Variants in KCNH8 observed in about 807,000 individuals in gnomAD.
KCNH8 encodes voltage-gated delayed rectifier potassium channel KCNH8.
In KCNH8, 70 loss-of-function variants were observed where a neutral mutation model predicts 103.6. That is an observed-to-expected ratio of 0.68 (90% CI 0.56 to 0.82). The LOEUF (loss-of-function observed/expected upper bound fraction) is 0.82. KCNH8 is among the 40% of genes least tolerant of loss of function. The probability of loss-of-function intolerance (pLI) is 0.00; values close to 1 mark genes in which losing one functional copy is unlikely to be tolerated. For missense variants in KCNH8, 1,217 were observed against 1,329.9 expected, an observed-to-expected ratio of 0.92 and a Z score of 1.32; for synonymous variants, 498 against 489.4, an observed-to-expected ratio of 1.02 and a Z score of -0.23.
intron 1 of KCNH8, among the ~76,000 whole-genome samples, chr3:19,195,169 G>T (rs2063588612): frequency 6.6e-6 from 1 of 151,758 alleles, no homozygotes; most frequent in African/African-American, 2.4e-5. Context: ...GGCTTGCCAG[G>T]AGTCTCATAA....
Position 19,518,001 on chromosome 3 carries a change from C to G in KCNH8, c.2546C>G (p.Pro849Arg), listed in dbSNP as rs2068904201. 1 of 1,611,680 alleles carries G rather than the reference C, an allele frequency of 6.2e-7. No homozygotes were observed. Among genetic ancestry groups the G allele is most frequent in the Admixed American group, 1.7e-5 (1 of 59,790 alleles). ...EPRISPPLGDPEIGAAVLFIK... is the reference protein window; with the variant it reads ...EPRISPPLGDREIGAAVLFIK... The stretch of plus-strand genomic sequence containing the variant: ...CTGTATGTGTGTCACTTTTCAGATC[C>G]AGAGATTGGAGCTGCTGTTCTCTTC... The change falls in exon 15 of 16, where the codon CCA becomes CGA. Residue 849 changes from proline to arginine, a missense_variant. By Grantham distance (103) the Pro-to-Arg change is moderately radical. Transcript: ENST00000328405.
intron 1 of KCNH8, among the ~76,000 whole-genome samples, chr3:19,151,150 A>G (rs777577562): frequency 1.9e-4 from 29 of 151,868 alleles, no homozygotes; most frequent in Non-Finnish European, 4.0e-4. Flanking sequence ...TATTTACTTT[A>G]TCTTCTTATG....
chr3:19,373,596 G>T (rs1209296593), intron 5 of KCNH8, among the ~76,000 whole-genome samples: 1 of 151,790 alleles, frequency 6.6e-6, no homozygotes, highest in African/African-American at 2.4e-5. Flanking sequence ...GGTTTTTTGT[G>T]TCTCTATTTC....
intron 7 of KCNH8, among the ~76,000 whole-genome samples, chr3:19,406,225 A>G (rs777959977): frequency 2.4e-4 from 36 of 152,086 alleles, no homozygotes; most frequent in Non-Finnish European, 1.8e-4. Flanking sequence ...CCATTAAAGT[A>G]TAATTGTATT....
chr3:19,290,626 A>T (rs1281847318), intron 3 of KCNH8, among the ~76,000 whole-genome samples: 2 of 152,080 alleles, frequency 1.3e-5, no homozygotes, highest in African/African-American at 4.8e-5. Flanking sequence ...AACGTTTTTG[A>T]TGTGCTGCTG....
chr3:19,385,253 A>G lies in KCNH8; in HGVS notation c.812-5228A>G, dbSNP rs141462368. Among the ~76,000 whole-genome samples the G allele has an allele frequency of 7.1e-3, 1,085 of 152,276 alleles. 15 individuals carry two copies. Among genetic ancestry groups the G allele is most frequent in the African/African-American group, 0.023 (971 of 41,576 alleles). On this transcript the variant is annotated intron_variant, in intron 5 of 15. Transcript: ENST00000328405. ...AGAAAATGATGAACACTCCACTTAC[A>G]TTGATTTGATCTTTATAAATTATAT...
chr3:19,190,336 C>G (rs2063539306), intron 1 of KCNH8, among the ~76,000 whole-genome samples: 1 of 151,908 alleles, frequency 6.6e-6, no homozygotes, highest in South Asian at 2.1e-4. Flanking sequence ...GATCCAAGGT[C>G]TTGCCAAGAG....
At chr3:19,374,701 G>A (rs376337980) in intron 5 of KCNH8, among the ~76,000 whole-genome samples, 11 of 151,980 alleles carry the variant, frequency 7.2e-5, no homozygotes, top group Non-Finnish European at 1.6e-4. Flanking sequence ...TCCTAGTCTC[G>A]ATGGTCTTTA....
chr3:19,230,716 G>C (rs1461281252), intron 1 of KCNH8, among the ~76,000 whole-genome samples: 1 of 151,744 alleles, frequency 6.6e-6, no homozygotes, highest in Non-Finnish European at 1.5e-5. Context: ...AAAAACAGAT[G>C]GTTTGCACTT....
At position 19,241,820 on chromosome 3, in the gene KCNH8, T is replaced by C. The variant is rs138182636; in HGVS notation, c.77-11834T>C. ...AGTTGAGTGTGCATTAATAATTTTGTGTATAAGGGGCTCAGGTATGTGTGG... is the reference window on the plus strand; with the variant it reads ...AGTTGAGTGTGCATTAATAATTTTGCGTATAAGGGGCTCAGGTATGTGTGG... On this transcript the variant is annotated intron_variant, in intron 1 of 15. Transcript: ENST00000328405. Among the ~76,000 whole-genome samples, 135 of 152,250 alleles carry C rather than the reference T, an allele frequency of 8.9e-4. 1 individual carries two copies. Among genetic ancestry groups the C allele is most frequent in the Admixed American group, 6.0e-3 (92 of 15,292 alleles).
chr3:19,287,654 C>T (rs1353730399), intron 3 of KCNH8, among the ~76,000 whole-genome samples: 2 of 152,078 alleles, frequency 1.3e-5, no homozygotes, highest in Non-Finnish European at 1.5e-5. Context: ...GGCACAATCT[C>T]GGCTCACTGC....
At chr3:19,394,086 G>A (rs181542788) in intron 6 of KCNH8, among the ~76,000 whole-genome samples, 2 of 152,086 alleles carry the variant, frequency 1.3e-5, no homozygotes, top group Admixed American at 6.6e-5. Context: ...CCTTGTGTCT[G>A]TTCAGTTTTG....
chr3:19,464,600 T>C (rs1237946738), intron 11 of KCNH8, among the ~76,000 whole-genome samples: 9 of 152,036 alleles, frequency 5.9e-5, no homozygotes. Context: ...AGCTGAAGAA[T>C]GGGAGAAGAT....
intron 7 of KCNH8, among the ~76,000 whole-genome samples, chr3:19,425,477 A>G (rs1373444635): frequency 6.6e-6 from 1 of 152,172 alleles, no homozygotes; most frequent in Non-Finnish European, 1.5e-5. Flanking sequence ...CATGTTCACT[A>G]AATATTTTTT....
At chr3:19,480,645 C>A (rs2068069235) in intron 11 of KCNH8, among the ~76,000 whole-genome samples, 1 of 152,202 alleles carries the variant, frequency 6.6e-6, no homozygotes, top group Admixed American at 6.5e-5. Flanking sequence ...CTTTTCACTT[C>A]TAAAATTGCT....
intron 5 of KCNH8, among the ~76,000 whole-genome samples, chr3:19,384,528 A>G (rs1175255193): frequency 6.6e-6 from 1 of 152,234 alleles, no homozygotes; most frequent in African/African-American, 2.4e-5. Context: ...TCACTTCAGT[A>G]TTTAGTAATA....
chr3:19,149,854 T>G (rs556181848), intron 1 of KCNH8, among the ~76,000 whole-genome samples: 16 of 152,372 alleles, frequency 1.1e-4, no homozygotes, highest in Admixed American at 7.8e-4. Flanking sequence ...TTACTCTGTA[T>G]ATTTCTTGGA....
In KCNH8 at chr3:19,427,468, AT is replaced by A. The variant is rs369971186; in HGVS notation, c.1178-10690del. Among the ~76,000 whole-genome samples the A allele has an allele frequency of 4.4e-3, 675 of 152,306 alleles. 4 individuals are homozygous for A. The highest frequency in any genetic ancestry group is 0.017 in the South Asian group (80 of 4,828). On this transcript the variant is annotated intron_variant, in intron 7 of 15. Coordinates refer to ENST00000328405, the MANE Select transcript of KCNH8 (RefSeq NM_144633.3). The stretch of plus-strand genomic sequence containing the variant: ...ATTTGAAGTTCTTAGTTTATTCAAT[AT>A]TTTTTATAAGTTCCAAGAAATTACA...
chr3:19,301,968 C>T (rs1198424790), intron 3 of KCNH8, among the ~76,000 whole-genome samples: 1 of 152,192 alleles, frequency 6.6e-6, no homozygotes, highest in African/African-American at 2.4e-5. Flanking sequence ...GCTTCTGTTA[C>T]TGTGAACAAG....
Sources: allele counts gnomAD v4.1 joint callset (sites outside exome capture counted in the v4.1 genomes callset), GRCh38; gene constraint gnomAD v4.1.1; transcripts MANE v1.5; gene names NCBI Gene and HGNC (gene_info 2026-07-23, HGNC 2026-07-21).